Variants in CREB5 observed in about 807,000 individuals in gnomAD.
The protein encoded by CREB5 is cAMP responsive element binding protein 5.
CREB5 carries 19 observed loss-of-function variants against 57.1 expected under a neutral mutation model. The observed-to-expected ratio is 0.33, with a 90% CI of 0.23 to 0.49. The LOEUF is 0.49. CREB5 is among the 20% of genes least tolerant of loss of function. CREB5 has a pLI of 0.99. For synonymous variants in CREB5, 238 were observed against 238.3 expected (o/e 1.00, Z 0.01); for missense variants, 579 against 671.6 (o/e 0.86, Z 1.52).
chr7:28,772,539 C>G (rs1156637520), intron 7 of CREB5, among the ~76,000 whole-genome samples: 1 of 152,104 alleles, frequency 6.6e-6, no homozygotes. Flanking sequence ...CATGAAATTG[C>G]CCGTTCATTC....
intron 1 of CREB5, among the ~76,000 whole-genome samples, chr7:28,460,186 G>C (rs1790291667): frequency 6.6e-6 from 1 of 152,136 alleles, no homozygotes; most frequent in African/African-American, 2.4e-5. Flanking sequence ...AAGTGTCAGG[G>C]AGTCATATTA....
At chr7:28,410,478 G>A (rs73295176), upstream of CREB5, 499 of 456,714 alleles carry the variant, frequency 1.1e-3, 6 homozygotes, top group African/African-American at 9.5e-3. Flanking sequence ...CCAAGGAGAT[G>A]TTTTCTCTCA....
At chr7:28,448,900 C>T (rs116777049) in intron 1 of CREB5, among the ~76,000 whole-genome samples, 2,597 of 152,324 alleles carry the variant, frequency 0.017, 74 homozygotes, top group African/African-American at 0.059. Context: ...AGCAGCACCA[C>T]GGCTGGGATG....
chr7:28,514,534 T>C (rs965041661), intron 4 of CREB5, among the ~76,000 whole-genome samples: 3 of 152,194 alleles, frequency 2.0e-5, no homozygotes, highest in East Asian at 1.9e-4. Flanking sequence ...TAGCTGGGAC[T>C]ACAGGCGCCG....
At chr7:28,311,236 G>A (rs1294212987) in intron 1 of CREB5, among the ~76,000 whole-genome samples, 3 of 151,924 alleles carry the variant, frequency 2.0e-5, no homozygotes, top group Admixed American at 1.3e-4. Context: ...CAATATAAAC[G>A]GCACTGTGAC....
chr7:28,760,043 G>C (rs1165552840), intron 7 of CREB5, among the ~76,000 whole-genome samples: 1 of 152,184 alleles, frequency 6.6e-6, no homozygotes, highest in African/African-American at 2.4e-5. Flanking sequence ...ATTAGCTGAT[G>C]TGCTTTTAAA....
chr7:28,708,584 G>A (rs772818874), intron 5 of CREB5, among the ~76,000 whole-genome samples: 2 of 152,214 alleles, frequency 1.3e-5, no homozygotes, highest in Non-Finnish European at 2.9e-5. Context: ...AGGCTGCCGG[G>A]AAGATCCAAT....
At chr7:28,641,163 C>T (rs60868718) in intron 5 of CREB5, among the ~76,000 whole-genome samples, 2,715 of 152,194 alleles carry the variant, frequency 0.018, 79 homozygotes, top group African/African-American at 0.059. Flanking sequence ...TTAATGTTAG[C>T]TAATGCCCCA....
intron 4 of CREB5, among the ~76,000 whole-genome samples, chr7:28,562,819 A>C (rs557747646): frequency 6.6e-6 from 1 of 152,360 alleles, no homozygotes; most frequent in Admixed American, 6.5e-5. Context: ...TTCTCAGACC[A>C]CATACCAATA....
At chr7:28,392,017 G>C (rs1787226910) in intron 1 of CREB5, among the ~76,000 whole-genome samples, 1 of 152,128 alleles carries the variant, frequency 6.6e-6, no homozygotes, top group South Asian at 2.1e-4. Flanking sequence ...CAATGTAATG[G>C]AGGAACAGAA....
Position 28,560,886 on chromosome 7 carries a change from G to GCA in CREB5, c.292-9478_292-9477insAC, listed in dbSNP as rs1491372251. 2.0e-4 allele frequency among the ~76,000 whole-genome samples: 5 copies of GCA among 24,608 alleles called. 1 individual carries two copies. Among genetic ancestry groups the GCA allele is most frequent in the Admixed American group, 1.2e-3 (3 of 2,500 alleles). The allele number at this position is 24,608 out of a possible 152,430, so 16.1% of individuals were successfully genotyped here. ...TGTGCCTGCGTGCGCGTGCGTGCGT[G>GCA]CGTGTGTGTGCGTGCGCGCGTGCGT... is the stretch of plus-strand genomic sequence containing the variant. On this transcript the variant is annotated intron_variant, in intron 4 of 10. Coordinates refer to ENST00000357727, the MANE Select transcript of CREB5 (RefSeq NM_182898.4).
rs540158315 is a variant in CREB5, at chr7:28,632,096, G to C, written c.464+61559G>C. ...CTGGCCACTTCCAAAGCACAGCTTG[G>C]ACCGTGTTCTTCCCATAAGAGTCAA... is the stretch of plus-strand genomic sequence containing the variant. On this transcript the variant is annotated intron_variant, in intron 5 of 10. Transcript: ENST00000357727. Among the ~76,000 whole-genome samples, 112 of 152,294 alleles carry C rather than the reference G, an allele frequency of 7.4e-4. 2 individuals are homozygous for C. The South Asian group carries it at 0.023, about 31-fold the overall frequency.
chr7:28,687,584 G>A (rs549923068), intron 5 of CREB5, among the ~76,000 whole-genome samples: 9 of 150,282 alleles, frequency 6.0e-5, no homozygotes, highest in Non-Finnish European at 1.3e-4. Flanking sequence ...AAACAAGAGG[G>A]CAAACACTTT....
chr7:28,802,009 C>T (rs540193366), intron 7 of CREB5, among the ~76,000 whole-genome samples: 1 of 130,444 alleles, frequency 7.7e-6, no homozygotes, highest in African/African-American at 2.9e-5. Context: ...CGCTTGAACC[C>T]GGGAGGCAGA....
At chr7:28,530,534 C>G (rs1390416940) in intron 4 of CREB5, among the ~76,000 whole-genome samples, 1 of 152,164 alleles carries the variant, frequency 6.6e-6, no homozygotes, top group Non-Finnish European at 1.5e-5. Flanking sequence ...GGGAAACAAG[C>G]CATTAGTCAG....
intron 2 of CREB5, among the ~76,000 whole-genome samples, chr7:28,490,070 G>A (rs965500952): frequency 6.6e-6 from 1 of 152,170 alleles, no homozygotes; most frequent in Admixed American, 6.5e-5. Context: ...GCTTTGCTTT[G>A]GTGGTGAAAA....
chr7:28,564,691 G>A (rs1163442918), intron 4 of CREB5, among the ~76,000 whole-genome samples: 1 of 152,226 alleles, frequency 6.6e-6, no homozygotes, highest in African/African-American at 2.4e-5. Context: ...AGAAATTTCG[G>A]TGAAGATCGT....
intron 5 of CREB5, among the ~76,000 whole-genome samples, chr7:28,685,787 A>T (rs1301691696): frequency 6.7e-6 from 1 of 150,152 alleles, no homozygotes; most frequent in Non-Finnish European, 1.5e-5. Flanking sequence ...GGCCATCCCC[A>T]GCGGCACTGT....
chr7:28,517,600 T>C (rs1490346049), intron 4 of CREB5, among the ~76,000 whole-genome samples: 1 of 152,184 alleles, frequency 6.6e-6, no homozygotes, highest in Admixed American at 6.5e-5. Flanking sequence ...TCATGTACTT[T>C]TTGGAACTAG....
Sources: allele counts gnomAD v4.1 joint callset (sites outside exome capture counted in the v4.1 genomes callset), GRCh38; gene constraint gnomAD v4.1.1; transcripts MANE v1.5; gene names NCBI Gene and HGNC (gene_info 2026-07-23, HGNC 2026-07-21).